ZNF507: variants seen among roughly 807,000 people sequenced by gnomAD.
ZNF507 encodes zinc finger protein 507.
A neutral mutation model predicts 80.0 loss-of-function variants in ZNF507; 29 were observed. That is an observed-to-expected ratio of 0.36 (90% CI 0.27 to 0.49). ZNF507 has a LOEUF of 0.49. Among genes scored for constraint, ZNF507 ranks in the 20% least tolerant of loss-of-function variants. ZNF507 has a pLI of 0.98. For synonymous variants in ZNF507, 462 were observed against 422.5 expected (o/e 1.09, Z -1.15); for missense variants, 1,081 against 1,152.2 (o/e 0.94, Z 0.90).
At chr19:32,363,057 T>G (rs1440851355) in intron 5 of ZNF507, among the ~76,000 whole-genome samples, 1 of 152,248 alleles carries the variant, frequency 6.6e-6, no homozygotes, top group African/African-American at 2.4e-5. Flanking sequence ...TGTCCTATAC[T>G]GTGTGCTTTA....
chr19:32,362,417 T>C (rs976160865), intron 5 of ZNF507, among the ~76,000 whole-genome samples: 3 of 152,212 alleles, frequency 2.0e-5, no homozygotes. Context: ...CTTTCATTCA[T>C]GGAGAAATAT....
intron 5 of ZNF507, among the ~76,000 whole-genome samples, chr19:32,366,169 AGAGT>A (rs1967395784): frequency 6.6e-6 from 1 of 152,152 alleles, no homozygotes; most frequent in Non-Finnish European, 1.5e-5. Context: ...CTCTATTAAG[AGAGT>A]ATCTTAAGTC....
intron 3 of ZNF507, among the ~76,000 whole-genome samples, chr19:32,356,083 A>G (rs1418252979): frequency 6.6e-6 from 1 of 152,186 alleles, no homozygotes; most frequent in African/African-American, 2.4e-5. Flanking sequence ...TCCAAGTAGG[A>G]TGTCCACATA....
intron 5 of ZNF507, among the ~76,000 whole-genome samples, chr19:32,371,415 A>C (rs1436300506): frequency 2.0e-5 from 3 of 149,184 alleles, no homozygotes; most frequent in Non-Finnish European, 3.0e-5. Context: ...GGGAGGTTGC[A>C]GTCAGCCAAG....
intron 5 of ZNF507, among the ~76,000 whole-genome samples, chr19:32,367,794 A>G (rs1300398196): frequency 6.6e-6 from 1 of 152,202 alleles, no homozygotes; most frequent in Non-Finnish European, 1.5e-5. Flanking sequence ...GACAGTTTGG[A>G]ATGGAAATGA....
rs5823 is a variant in ZNF507, at chr19:32,351,419, C to CTGTGTGTGTGTGTGTGTG, written c.-2-1375_-2-1358dup. ...GCGACCTGGCACTGAAGCTGGTCAGCTGTGTGTGTGTGTGTGTGTGTGTGT... is the reference window on the plus strand; with the variant it reads ...GCGACCTGGCACTGAAGCTGGTCAGCTGTGTGTGTGTGTGTGTGTGTGTGTGTGTGTGTGTGTGTGTGT... On this transcript the variant is annotated intron_variant, in intron 2 of 6. Coordinates refer to ENST00000355898, the MANE Select transcript of ZNF507 (RefSeq NM_001136156.2). Among the ~76,000 whole-genome samples the CTGTGTGTGTGTGTGTGTG allele has an allele frequency of 2.1e-3, 110 of 52,832 alleles. 3 individuals carry two copies. The highest frequency in any genetic ancestry group is 3.3e-3 in the African/African-American group (44 of 13,276). The allele number at this position is 52,832 out of a possible 152,430, so 34.7% of individuals were successfully genotyped here. A position where few individuals can be genotyped will look rare whatever the true frequency, so the allele number is the denominator to read the frequency against.
intron 5 of ZNF507, among the ~76,000 whole-genome samples, chr19:32,368,775 G>A (rs1967432368): frequency 6.6e-6 from 1 of 152,132 alleles, no homozygotes; most frequent in African/African-American, 2.4e-5. Context: ...TGTTTTGTGG[G>A]GGCCTTAGTT....
intron 5 of ZNF507, among the ~76,000 whole-genome samples, chr19:32,377,988 C>T (rs1967573436): frequency 1.3e-5 from 2 of 152,088 alleles, no homozygotes; most frequent in Admixed American, 1.3e-4. Context: ...AAACAGCAGA[C>T]AGCCCCAACC....
chr19:32,382,994 A>G lies in ZNF507; in HGVS notation c.2773A>G (p.Asn925Asp). Residue 925 changes from asparagine to aspartate, a missense_variant, in exon 7 of 7, where the codon AAC becomes GAC. Transcript: ENST00000355898. ...ICGFESTSKE[N>D]LLDHMKEHEG... ...TGGTTTTGAATCAACCAGCAAAGAA[A>G]ACCTCTTGGATCATATGAAAGAGCA... 1.9e-6 allele frequency: 3 copies of G among 1,614,180 alleles called. No homozygotes were observed. Among genetic ancestry groups the G allele is most frequent in the Non-Finnish European group, 2.5e-6 (3 of 1,180,022 alleles).
At chr19:32,346,173 C>T (rs1341124251) in intron 1 of ZNF507, among the ~76,000 whole-genome samples, 1 of 152,194 alleles carries the variant, frequency 6.6e-6, no homozygotes, top group African/African-American at 2.4e-5. Context: ...CCCTCATTCC[C>T]GACCCATCAC....
chr19:32,351,962 T>G (rs1392172802), intron 2 of ZNF507, among the ~76,000 whole-genome samples: 4 of 152,128 alleles, frequency 2.6e-5, no homozygotes, highest in Admixed American at 2.6e-4. Flanking sequence ...CCATAATGCA[T>G]TATTAGAACG....
At position 32,354,400 on chromosome 19, in the gene ZNF507, T is replaced by A; in HGVS notation, c.1570T>A (p.Leu524Ile). The A allele has an allele frequency of 6.2e-7, 1 of 1,614,062 alleles. No homozygotes were observed. The highest frequency in any genetic ancestry group is 8.5e-7 in the Non-Finnish European group (1 of 1,180,018). ...NLGHYGDINL[L>I]DPDTSQRQVD... ...GGGGCACTATGGAGATATAAACCTT[T>A]TAGATCCAGATACTAGTCAAAGGCA... The change falls in exon 3 of 7, where the codon TTA becomes ATA. Residue 524 changes from leucine to isoleucine, a missense_variant. Leu to Ile is a conservative substitution (Grantham distance 5). This residue lies in a region of ZNF507 where 614 missense variants were observed against 583.9 expected (regional missense o/e 1.05). Transcript: ENST00000355898.
intron 2 of ZNF507, among the ~76,000 whole-genome samples, chr19:32,351,906 T>C (rs1343738153): frequency 2.0e-5 from 3 of 152,162 alleles, no homozygotes; most frequent in Admixed American, 1.3e-4. Flanking sequence ...ATTCTAGACT[T>C]AGGCAGAAAG....
chr19:32,376,243 C>T (rs1967544803), intron 5 of ZNF507, among the ~76,000 whole-genome samples: 1 of 151,922 alleles, frequency 6.6e-6, no homozygotes, highest in Admixed American at 6.6e-5. Flanking sequence ...CTAGTGATAA[C>T]GCTATGAGTG....
At position 32,360,583 on chromosome 19, in the gene ZNF507, C is replaced by T. The variant is rs781440960; in HGVS notation, c.2325C>T (p.Asn775=). 6.2e-6 allele frequency: 10 copies of T among 1,602,388 alleles called. No homozygotes were observed. Among genetic ancestry groups the T allele is most frequent in the Non-Finnish European group, 8.5e-6 (10 of 1,174,578 alleles). The change falls in exon 5 of 7, where the codon AAC becomes AAT. Residue 775 remains asparagine, a synonymous_variant. Coordinates refer to ENST00000355898, the MANE Select transcript of ZNF507 (RefSeq NM_001136156.2). ...YTSTTYVGVR[N]HRRIHNSDKP... is the part of the protein sequence containing the mutation. ...GTACAACATATGTTGGTGTCAGAAACCACAGGCGAATCCATAACTCTGATA... is the reference window on the plus strand; with the variant it reads ...GTACAACATATGTTGGTGTCAGAAATCACAGGCGAATCCATAACTCTGATA...
chr19:32,353,186 A>G lies in ZNF507; in HGVS notation c.356A>G (p.Glu119Gly). 1 of 1,614,176 alleles carries G rather than the reference A, an allele frequency of 6.2e-7. No homozygotes were observed. The highest frequency in any genetic ancestry group is 8.5e-7 in the Non-Finnish European group (1 of 1,179,994). Reference sequence around the variant, plus strand: ...ACCCCTGACACTCTTGCCCAGAATGAAGGGAAGGCTATGTCTTATCAGTGT... The same window carrying G: ...ACCCCTGACACTCTTGCCCAGAATGGAGGGAAGGCTATGTCTTATCAGTGT... ...NFTPDTLAQN[E>G]GKAMSYQCSL... The change falls in exon 3 of 7, where the codon GAA (glutamate) becomes GGA (glycine). Residue 119 changes from glutamate to glycine, a missense_variant. By Grantham distance (98) the Glu-to-Gly change is moderately conservative (BLOSUM62 -2). This residue lies in a region of ZNF507 where 275 missense variants were observed against 303.9 expected (regional missense o/e 0.90). Transcript: ENST00000355898.
intron 3 of ZNF507, among the ~76,000 whole-genome samples, chr19:32,355,986 G>A (rs557605113): frequency 3.9e-5 from 6 of 152,164 alleles, no homozygotes; most frequent in African/African-American, 1.4e-4. Flanking sequence ...GCAACAGAGC[G>A]AGACTCCATC....
intron 5 of ZNF507, among the ~76,000 whole-genome samples, chr19:32,373,024 C>T (rs1298565113): frequency 6.6e-6 from 1 of 152,156 alleles, no homozygotes; most frequent in African/African-American, 2.4e-5. Context: ...AGGGCCTGCT[C>T]CCTGCTTCAT....
At chr19:32,355,128 T>C (rs1306257695) in intron 3 of ZNF507, among the ~76,000 whole-genome samples, 171 bp downstream of exon 3, 1 of 152,214 alleles carries the variant, frequency 6.6e-6, no homozygotes, top group Admixed American at 6.5e-5. Context: ...AAGTTGGGAC[T>C]GTTCAGAATT....
Sources: gnomAD v4.1 joint callset for allele counts (sites outside exome capture counted in the v4.1 genomes callset) on GRCh38, gnomAD v4.1.1 for gene constraint, gnomAD v4.1.1 regional missense constraint, MANE v1.5 for transcripts, NCBI Gene and HGNC (gene_info 2026-07-23, HGNC 2026-07-21) for gene names.